The following RABGAP1L variants were observed in gnomAD, a reference collection of about 807,000 sequenced individuals.
The protein encoded by RABGAP1L is RAB GTPase activating protein 1 like, also known as rab GTPase-activating protein 1-like.
RABGAP1L carries 63 observed loss-of-function variants against 137.7 expected under a neutral mutation model. The ratio of observed to expected loss-of-function variants is 0.46; its 90% CI spans 0.37 to 0.56. The LOEUF is 0.56. RABGAP1L is among the 20% of genes least tolerant of loss of function. The pLI is 0.00. For synonymous variants in RABGAP1L, 431 were observed against 433.7 expected (o/e 0.99, Z 0.08); for missense variants, 1,095 against 1,244.0 (o/e 0.88, Z 1.80).
chr1:174,284,462 G>A (rs1571912842), intron 10 of RABGAP1L, among the ~76,000 whole-genome samples: 2 of 152,122 alleles, frequency 1.3e-5, no homozygotes, highest in South Asian at 2.1e-4. Context: ...TTATGTGCAA[G>A]TATGTGTGTA....
intron 13 of RABGAP1L, among the ~76,000 whole-genome samples, chr1:174,524,183 A>G (rs545464482): frequency 1.3e-5 from 2 of 151,814 alleles, no homozygotes; most frequent in South Asian, 4.2e-4. Flanking sequence ...TGGTAGTTCT[A>G]TTGTTGTTGT....
chr1:174,539,042 T>A (rs545380838), intron 13 of RABGAP1L, among the ~76,000 whole-genome samples: 1 of 152,166 alleles, frequency 6.6e-6, no homozygotes, highest in Non-Finnish European at 1.5e-5. Context: ...GACTAAAGGG[T>A]GATTTGAACT....
intron 20 of RABGAP1L, among the ~76,000 whole-genome samples, chr1:174,961,437 A>G (rs1394038727): frequency 1.3e-5 from 2 of 152,238 alleles, no homozygotes; most frequent in Non-Finnish European, 2.9e-5. Flanking sequence ...TAGTGATGGT[A>G]TCAGTTGCTG....
chr1:174,968,878 C>T (rs994599910), intron 20 of RABGAP1L, among the ~76,000 whole-genome samples: 2 of 152,112 alleles, frequency 1.3e-5, no homozygotes, highest in African/African-American at 4.8e-5. Context: ...TGTTTCATTC[C>T]TACTGTGTCT....
At chr1:174,502,576 G>GTGTATATA (rs1553316733) in intron 13 of RABGAP1L, among the ~76,000 whole-genome samples, 2 of 129,074 alleles carry the variant, frequency 1.5e-5, no homozygotes, top group African/African-American at 3.0e-5. Context: ...AAAGTACACG[G>GTGTATATA]TATATATATA....
intron 13 of RABGAP1L, among the ~76,000 whole-genome samples, chr1:174,497,409 A>G (rs1330574360): frequency 6.6e-6 from 1 of 152,208 alleles, no homozygotes; most frequent in Non-Finnish European, 1.5e-5. Context: ...TTTGAAGTTC[A>G]TTCTCTTAAA....
chr1:174,766,656 T>C (rs1685695891), intron 18 of RABGAP1L, among the ~76,000 whole-genome samples: 1 of 152,254 alleles, frequency 6.6e-6, no homozygotes, highest in Admixed American at 6.5e-5. Flanking sequence ...TAGGGATTGC[T>C]TTGAATCTCT....
intron 19 of RABGAP1L, among the ~76,000 whole-genome samples, chr1:174,849,201 G>C (rs1478759111): frequency 1.3e-5 from 2 of 152,090 alleles, no homozygotes; most frequent in African/African-American, 2.4e-5. Flanking sequence ...CGTGGCTCAC[G>C]CTGGGAGCTG....
chr1:174,986,575 C>T (rs988033038), intron 24 of RABGAP1L, among the ~76,000 whole-genome samples: 7 of 152,202 alleles, frequency 4.6e-5, no homozygotes, highest in African/African-American at 1.7e-4. Context: ...CTCTGTCAAA[C>T]TTATTGCTCT....
chr1:174,797,557 G>A (rs1688341452), intron 18 of RABGAP1L, among the ~76,000 whole-genome samples: 1 of 126,510 alleles, frequency 7.9e-6, no homozygotes, highest in Non-Finnish European at 1.7e-5. Flanking sequence ...GTGTGCAGGA[G>A]GGTGTGGGGG....
rs776432885 is a variant in RABGAP1L, at chr1:174,699,520, T to G, written c.1900-5T>G. The G allele has an allele frequency of 6.2e-7, 1 of 1,610,272 alleles. No individual in the cohort carries two copies. Among genetic ancestry groups the G allele is most frequent in the Non-Finnish European group, 8.5e-7 (1 of 1,178,264 alleles). On this transcript the variant is annotated splice_region_variant and splice_polypyrimidine_tract_variant and intron_variant, in intron 15 of 25. Transcript: ENST00000681986. The stretch of plus-strand genomic sequence containing the variant: ...TATATTGTATATGTATATATTTTTC[T>G]GTAGATGCCAGAGGAACAAGCATTC...
Position 174,702,225 on chromosome 1 carries a change from T to C in RABGAP1L, c.2138T>C (p.Val713Ala), listed in dbSNP as rs1436231277. ...ACTGCCAAGTTCCCACTCTGCATGG[T>C]GTTCCACATCATTGACTTACTGCTT... Reference protein sequence around the residue: ...LFTAKFPLCMVFHIIDLLLCE... With the variant: ...LFTAKFPLCMAFHIIDLLLCE... Residue 713 changes from valine (V) to alanine (A), a missense_variant, in exon 17 of 26, where the codon GTG (valine) becomes GCG (alanine). This residue lies in a region of RABGAP1L where 312 missense variants were observed against 435.6 expected (regional missense o/e 0.72). Coordinates refer to ENST00000681986, the MANE Select transcript of RABGAP1L (RefSeq NM_001366446.1). The C allele has an allele frequency of 6.2e-7, 1 of 1,611,292 alleles. No individual in the cohort carries two copies. Among genetic ancestry groups the C allele is most frequent in the Non-Finnish European group, 8.5e-7 (1 of 1,178,728 alleles).
chr1:174,309,869 C>T (rs990328184), intron 11 of RABGAP1L, among the ~76,000 whole-genome samples: 1 of 151,966 alleles, frequency 6.6e-6, no homozygotes, highest in African/African-American at 2.4e-5. Flanking sequence ...TAATGCTGGC[C>T]TCATAAAATG....
chr1:174,383,400 C>T (rs1375781932), intron 12 of RABGAP1L, among the ~76,000 whole-genome samples: 2 of 151,902 alleles, frequency 1.3e-5, no homozygotes, highest in African/African-American at 2.4e-5. Flanking sequence ...TCACTGCCGC[C>T]TTGCAGTTTG....
At chr1:174,549,949 T>G (rs1666299998) in intron 13 of RABGAP1L, among the ~76,000 whole-genome samples, 1 of 152,202 alleles carries the variant, frequency 6.6e-6, no homozygotes, top group Non-Finnish European at 1.5e-5. Context: ...GGAGCATTGC[T>G]TGAGCCCATG....
chr1:174,418,145 GTGCC>G (rs1650823018), intron 13 of RABGAP1L, among the ~76,000 whole-genome samples: 1 of 152,206 alleles, frequency 6.6e-6, no homozygotes, highest in African/African-American at 2.4e-5. Context: ...CCGGTGCTTA[GTGCC>G]TGTCTTCCTT....
chr1:174,750,014 C>T (rs1211939182), intron 17 of RABGAP1L, among the ~76,000 whole-genome samples: 1 of 152,020 alleles, frequency 6.6e-6, no homozygotes, highest in Non-Finnish European at 1.5e-5. Flanking sequence ...GGACTACAGG[C>T]GCCTGCCACC....
intron 5 of RABGAP1L, among the ~76,000 whole-genome samples, chr1:174,249,075 C>T (rs557486202): frequency 6.6e-6 from 1 of 152,184 alleles, no homozygotes; most frequent in East Asian, 1.9e-4. Context: ...ATTTAGAGTA[C>T]TTCTTCACTT....
chr1:174,380,772 T>G (rs1469779846), intron 12 of RABGAP1L, among the ~76,000 whole-genome samples: 1 of 96,138 alleles, frequency 1.0e-5, no homozygotes, highest in Non-Finnish European at 2.0e-5. Context: ...GAAGGGTTTT[T>G]TGTGTCTCTA....
Sources: gnomAD v4.1 joint callset for allele counts (sites outside exome capture counted in the v4.1 genomes callset) on GRCh38, gnomAD v4.1.1 for gene constraint, gnomAD v4.1.1 regional missense constraint, MANE v1.5 for transcripts, NCBI Gene and HGNC (gene_info 2026-07-23, HGNC 2026-07-21) for gene names.